Variants in COL25A1 observed in about 807,000 individuals in gnomAD.
The protein encoded by COL25A1 is collagen alpha-1(XXV) chain.
Under a neutral mutation model 128.4 loss-of-function variants are expected in COL25A1, and 103 were observed. The ratio of observed to expected loss-of-function variants is 0.80; its 90% CI spans 0.68 to 0.94. The LOEUF (loss-of-function observed/expected upper bound fraction) is 0.94, where lower values mean the gene tolerates loss of function less well. COL25A1 is among the 40% of genes least tolerant of loss of function. The pLI is 0.00. For missense variants in COL25A1, 745 were observed against 840.0 expected, an observed-to-expected ratio of 0.89 and a Z score of 1.40; for synonymous variants, 279 against 277.2, an observed-to-expected ratio of 1.01 and a Z score of -0.06.
intron 3 of COL25A1, among the ~76,000 whole-genome samples, chr4:109,154,491 C>T (rs1046458583): frequency 2.6e-5 from 4 of 152,152 alleles, no homozygotes; most frequent in Non-Finnish European, 5.9e-5. Context: ...GAGTGGATCG[C>T]TGAGAAGGTG....
chr4:108,948,086 C>A lies in COL25A1; in HGVS notation c.493-6649G>T, dbSNP rs186069430. 8.7e-4 allele frequency among the ~76,000 whole-genome samples: 132 copies of A among 152,226 alleles called. 1 individual carries two copies. Among genetic ancestry groups the A allele is most frequent in the African/African-American group, 3.1e-3 (130 of 41,536 alleles). ...TCCTCAAAGTTGATAAAAATAATTT[C>A]TAGCTAAGAGAGACCAGATGGGGAA... On this transcript the variant is annotated intron_variant, in intron 8 of 37. Transcript: ENST00000399132.
intron 3 of COL25A1, among the ~76,000 whole-genome samples, chr4:109,132,473 A>G (rs1270614527): frequency 2.0e-5 from 3 of 152,188 alleles, no homozygotes; most frequent in Non-Finnish European, 2.9e-5. Context: ...CTGACAATAT[A>G]TAAGAGAATT....
intron 3 of COL25A1, among the ~76,000 whole-genome samples, chr4:109,058,150 C>T (rs72883439): frequency 0.024 from 3,657 of 152,252 alleles, 147 homozygotes; most frequent in African/African-American, 0.081. Flanking sequence ...AGTTCATTGA[C>T]TTTAATGAGG....
At position 108,809,987 on chromosome 4, in the gene COL25A1, G is replaced by C. The variant is rs1408444086; in HGVS notation, c.*3940C>G. On this transcript the variant is annotated 3_prime_UTR_variant, in exon 38 of 38. Transcript: ENST00000399132. ...AATTAGAAAATCCTATTTTTTTGTAGTGTGAAATATTAATATAATTTGATT... is the reference window on the plus strand; with the variant it reads ...AATTAGAAAATCCTATTTTTTTGTACTGTGAAATATTAATATAATTTGATT... 6.6e-6 allele frequency: 1 copy of C among 151,742 alleles called. No homozygotes were observed. Among genetic ancestry groups the C allele is most frequent in the Non-Finnish European group, 1.5e-5 (1 of 67,828 alleles). 9.4% of individuals were successfully genotyped at this position (151,742 alleles called of 1,614,324 possible).
At chr4:109,300,258 T>G (rs1363268517) in intron 3 of COL25A1, among the ~76,000 whole-genome samples, 1 of 152,148 alleles carries the variant, frequency 6.6e-6, no homozygotes, top group Non-Finnish European at 1.5e-5. Flanking sequence ...TACAGTCCTT[T>G]TCACTGTAGA....
chr4:108,904,747 A>G (rs1743259885), intron 13 of COL25A1, among the ~76,000 whole-genome samples: 2 of 152,210 alleles, frequency 1.3e-5, no homozygotes, highest in African/African-American at 2.4e-5. Flanking sequence ...ATGAAGAAAA[A>G]CAGCAGCTAA....
rs554888686 is a variant in COL25A1 at position 109,053,723 on chromosome 4, G to T, written c.368-3544C>A. Among the ~76,000 whole-genome samples, 7 of 152,158 alleles carry T rather than the reference G, an allele frequency of 4.6e-5. No individual in the cohort carries two copies. In the East Asian group the frequency reaches 9.7e-4, roughly 21 times the overall value. ...GATTTTTTTCACAAGGATGTTATTT[G>T]TCTTTGAAAATATTTTTACCTTTTA... is the stretch of plus-strand genomic sequence containing the variant. On this transcript the variant is annotated intron_variant, in intron 3 of 37. Transcript: ENST00000399132.
chr4:109,276,287 C>T (rs1306494831), intron 3 of COL25A1, among the ~76,000 whole-genome samples: 1 of 151,872 alleles, frequency 6.6e-6, no homozygotes, highest in Non-Finnish European at 1.5e-5. Flanking sequence ...TGATGGGTGC[C>T]TGTAATCCCA....
intron 3 of COL25A1, among the ~76,000 whole-genome samples, chr4:109,246,808 G>T (rs1301680019): frequency 2.0e-5 from 3 of 152,012 alleles, no homozygotes; most frequent in Admixed American, 2.0e-4. Flanking sequence ...CTGTTCTAGG[G>T]TTTGTAAGGG....
intron 3 of COL25A1, among the ~76,000 whole-genome samples, chr4:109,134,944 A>G (rs764586002): frequency 2.0e-5 from 3 of 150,494 alleles, no homozygotes; most frequent in African/African-American, 4.9e-5. Flanking sequence ...TAGAACCTGG[A>G]GAGTCCTCCT....
At chr4:108,845,521 A>G (rs1431529262) in intron 28 of COL25A1, among the ~76,000 whole-genome samples, 3 of 152,338 alleles carry the variant, frequency 2.0e-5, no homozygotes, top group African/African-American at 7.2e-5. Context: ...TGTTAAATAC[A>G]TTGAGTTATA....
chr4:108,859,309 C>T (rs1276928739), intron 24 of COL25A1, among the ~76,000 whole-genome samples: 1 of 152,144 alleles, frequency 6.6e-6, no homozygotes, highest in Non-Finnish European at 1.5e-5. Flanking sequence ...TGAATGCAAG[C>T]AGCTCCAGCC....
Position 108,809,068 on chromosome 4 carries a change from T to TAAAC in COL25A1, c.*4855_*4858dup, listed in dbSNP as rs1730595526. On this transcript the variant is annotated 3_prime_UTR_variant, in exon 38 of 38. Transcript: ENST00000399132. Reference sequence around the variant, plus strand: ...CTTTCAATTATTTACACTACTGAGATAAACAGGTTTGTGCCATATTTACAG... The same window carrying TAAAC: ...CTTTCAATTATTTACACTACTGAGATAAACAAACAGGTTTGTGCCATATTTACAG... 1 of 152,112 alleles carries TAAAC rather than the reference T, an allele frequency of 6.6e-6. No individual in the cohort carries two copies. The highest frequency in any genetic ancestry group is 1.5e-5 in the Non-Finnish European group (1 of 68,012). 9.4% of individuals were successfully genotyped at this position (152,112 alleles called of 1,614,324 possible).
chr4:108,883,083 C>T (rs928676193), intron 19 of COL25A1, among the ~76,000 whole-genome samples: 8 of 152,116 alleles, frequency 5.3e-5, no homozygotes, highest in Non-Finnish European at 2.9e-5. Context: ...ACTCTGTTGC[C>T]CAGCCTGGAG....
In COL25A1 at chr4:108,990,227, AAAAAAAAAAAAAAT is replaced by A. The variant is rs1428797035; in HGVS notation, c.439-15682_439-15669del. ...AACTCCATCTCAAAAAAAAAAAAAA[AAAAAAAAAAAAAAT>A]ATATATATATATATATATATATATA... On this transcript the variant is annotated intron_variant, in intron 6 of 37. Transcript: ENST00000399132. Among the ~76,000 whole-genome samples, 19 of 70,428 alleles carry A rather than the reference AAAAAAAAAAAAAAT, an allele frequency of 2.7e-4. No homozygotes were observed. In the South Asian group the frequency reaches 5.1e-3, roughly 19 times the overall value. The allele number at this position is 70,428 out of a possible 152,430, so 46.2% of individuals were successfully genotyped here. A position where few individuals can be genotyped will look rare whatever the true frequency, so the allele number is the denominator to read the frequency against.
At chr4:109,045,644 A>G (rs1760358713) in intron 5 of COL25A1, among the ~76,000 whole-genome samples, 1 of 152,196 alleles carries the variant, frequency 6.6e-6, no homozygotes, top group Admixed American at 6.5e-5. Flanking sequence ...AAGGAAGCCC[A>G]TGATATTGGG....
chr4:109,249,267 G>A (rs532324090), intron 3 of COL25A1, among the ~76,000 whole-genome samples: 4 of 152,126 alleles, frequency 2.6e-5, no homozygotes, highest in East Asian at 1.9e-4. Context: ...CCTTATATGC[G>A]TCATCTCCTA....
chr4:109,297,862 CTTTTTTTTTTTTT>C (rs35099153), intron 3 of COL25A1, among the ~76,000 whole-genome samples: 3 of 63,830 alleles, frequency 4.7e-5, no homozygotes, highest in African/African-American at 1.1e-4. Flanking sequence ...TTTTCCTTTT[CTTTTTTTTTTTTT>C]TTTTTTTTTT....
rs935790742 is a variant in COL25A1, at chr4:108,856,457, T to C, written c.1320+3199A>G. 4.6e-5 allele frequency among the ~76,000 whole-genome samples: 7 copies of C among 152,174 alleles called. No homozygotes were observed. In the South Asian group the frequency reaches 6.2e-4, roughly 13 times the overall value. On this transcript the variant is annotated intron_variant, in intron 24 of 37. Coordinates refer to ENST00000399132, the MANE Select transcript of COL25A1 (RefSeq NM_198721.4). The stretch of plus-strand genomic sequence containing the variant: ...TGTTTTAAAAGGGATAACAATGACA[T>C]ACCTGCAAAACTGTAAATATCCATC...
Sources: gnomAD v4.1 joint callset for allele counts (sites outside exome capture counted in the v4.1 genomes callset) on GRCh38, gnomAD v4.1.1 for gene constraint, MANE v1.5 for transcripts, NCBI Gene and HGNC (gene_info 2026-07-23, HGNC 2026-07-21) for gene names.